The following PIK3C2G variants were observed in gnomAD, a reference collection of about 807,000 sequenced individuals.
PIK3C2G encodes the protein phosphatidylinositol-4-phosphate 3-kinase catalytic subunit type 2 gamma, also known as phosphatidylinositol 3-kinase C2 domain-containing subunit gamma.
In PIK3C2G, 168 loss-of-function variants were observed where a neutral mutation model predicts 181.1. The observed-to-expected ratio is 0.93, with a 90% CI of 0.82 to 1.05. The LOEUF is 1.05. Ranked by LOEUF, PIK3C2G falls within the 50% of genes least tolerant of loss-of-function variation. The probability of loss-of-function intolerance (pLI) is 0.00; values close to 1 mark genes in which losing one functional copy is unlikely to be tolerated. For missense variants in PIK3C2G, 1,869 were observed against 1,732.8 expected, an observed-to-expected ratio of 1.08 and a Z score of -1.40; for synonymous variants, 573 against 592.2, an observed-to-expected ratio of 0.97 and a Z score of 0.47.
chr12:18,618,905 T>A (rs1254866097), intron 31 of PIK3C2G, among the ~76,000 whole-genome samples: 5 of 151,784 alleles, frequency 3.3e-5, no homozygotes, highest in Non-Finnish European at 7.4e-5. Flanking sequence ...CTACAGAACG[T>A]AGAGGAAAAA....
At chr12:18,607,233 A>G (rs1328199989) in intron 30 of PIK3C2G, 2 of 505,382 alleles carry the variant, frequency 4.0e-6, no homozygotes, top group African/African-American at 1.9e-5. Context: ...ATTGAAAGGA[A>G]TAATATGAGA....
At chr12:18,529,459 G>C (rs1395578867) in intron 24 of PIK3C2G, among the ~76,000 whole-genome samples, 1 of 152,094 alleles carries the variant, frequency 6.6e-6, no homozygotes, top group Non-Finnish European at 1.5e-5. Context: ...ATTGAGATTA[G>C]TATGTCTGAA....
chr12:18,685,128 A>T, the PIK3C2G span, among the ~76,000 whole-genome samples: 1 of 152,054 alleles, frequency 6.6e-6, no homozygotes, highest in South Asian at 2.1e-4. Flanking sequence ...TTATGGGAAG[A>T]GTTCCATACT....
chr12:18,591,368 A>C (rs576097668), intron 29 of PIK3C2G, among the ~76,000 whole-genome samples: 4 of 151,942 alleles, frequency 2.6e-5, no homozygotes, highest in Non-Finnish European at 5.9e-5. Flanking sequence ...ACTAGTATTT[A>C]TTGAAAGAAA....
chr12:18,701,520 A>T, the PIK3C2G span: 1 of 1,613,928 alleles, frequency 6.2e-7, no homozygotes, highest in Admixed American at 1.7e-5. Flanking sequence ...CTTGAAAAGC[A>T]TTACTCCAGG....
rs562275259 is a variant in PIK3C2G, at chr12:18,429,720, G to A, written c.2504+5681G>A. Among the ~76,000 whole-genome samples, 36 of 152,248 alleles carry A rather than the reference G, an allele frequency of 2.4e-4. No individual in the cohort carries two copies. The South Asian group carries it at 7.3e-3, about 31-fold the overall frequency. On this transcript the variant is annotated intron_variant, in intron 18 of 32. Coordinates refer to ENST00000538779, the MANE Select transcript of PIK3C2G (RefSeq NM_001288772.2). ...ATGTTTTAAAAATTATGAATCCACA[G>A]AAATGTCTGTAAGGCCATCAATATT...
the PIK3C2G span, among the ~76,000 whole-genome samples, chr12:18,677,818 A>C: frequency 6.6e-6 from 1 of 152,092 alleles, no homozygotes; most frequent in African/African-American, 2.4e-5. Context: ...AAATATAAGC[A>C]CAAATCTATC....
intron 24 of PIK3C2G, among the ~76,000 whole-genome samples, chr12:18,523,973 T>A (rs1041188183): frequency 6.6e-6 from 1 of 152,222 alleles, no homozygotes; most frequent in African/African-American, 2.4e-5. Flanking sequence ...TTCTCCATTA[T>A]AATGTTGTTG....
At chr12:18,654,286 C>T in the PIK3C2G span, among the ~76,000 whole-genome samples, 3 of 87,496 alleles carry the variant, frequency 3.4e-5, no homozygotes, top group East Asian at 1.1e-3. Flanking sequence ...AAAAGAAACA[C>T]TAGTACCTAA....
intron 30 of PIK3C2G, among the ~76,000 whole-genome samples, chr12:18,597,446 G>C (rs947255177): frequency 2.0e-5 from 3 of 151,906 alleles, no homozygotes; most frequent in Admixed American, 1.3e-4. Context: ...ATAATATAAA[G>C]CATTAAAATA....
intron 31 of PIK3C2G, among the ~76,000 whole-genome samples, chr12:18,624,366 T>G (rs1948998164): frequency 6.6e-6 from 1 of 151,856 alleles, no homozygotes; most frequent in Non-Finnish European, 1.5e-5. Context: ...CATCCTTGCA[T>G]CTCAGGGATA....
chr12:18,635,381 G>A (rs893030304), intron 31 of PIK3C2G, among the ~76,000 whole-genome samples: 4 of 152,132 alleles, frequency 2.6e-5, no homozygotes, highest in Admixed American at 6.5e-5. Context: ...TGCGTATACC[G>A]ATTTCATTTG....
At chr12:18,445,392 C>T (rs915007629) in intron 18 of PIK3C2G, among the ~76,000 whole-genome samples, 2 of 150,488 alleles carry the variant, frequency 1.3e-5, no homozygotes, top group African/African-American at 4.9e-5. Flanking sequence ...TAATCATATA[C>T]TGCTTTCACC....
At chr12:18,526,613 T>C (rs1017396791) in intron 24 of PIK3C2G, among the ~76,000 whole-genome samples, 1 of 152,196 alleles carries the variant, frequency 6.6e-6, no homozygotes, top group Non-Finnish European at 1.5e-5. Context: ...GCTGGAAATT[T>C]ACCAAGGGTT....
chr12:18,684,282 G>C, the PIK3C2G span: 1 of 1,597,802 alleles, frequency 6.3e-7, no homozygotes, highest in Non-Finnish European at 8.6e-7. Flanking sequence ...ACTAAAAGCT[G>C]AAATATAAAA....
chr12:18,338,221 G>T (rs1233062283), intron 8 of PIK3C2G, among the ~76,000 whole-genome samples: 1 of 152,036 alleles, frequency 6.6e-6, no homozygotes, highest in Non-Finnish European at 1.5e-5. Context: ...TGTTAAGTCA[G>T]TTCTAATTTT....
chr12:18,360,086 G>C (rs1449234558), intron 11 of PIK3C2G, among the ~76,000 whole-genome samples: 1 of 151,680 alleles, frequency 6.6e-6, no homozygotes, highest in Admixed American at 6.6e-5. Context: ...ATTTTTGTGG[G>C]GGAGGTAGTG....
intron 32 of PIK3C2G, among the ~76,000 whole-genome samples, chr12:18,646,250 TA>T (rs1178928975): frequency 6.6e-6 from 1 of 152,106 alleles, no homozygotes; most frequent in Admixed American, 6.6e-5. Context: ...TTTGAATAAA[TA>T]AAAGTAACCA....
At chr12:18,382,677 G>T (rs764922138) in intron 14 of PIK3C2G, among the ~76,000 whole-genome samples, 1 of 152,042 alleles carries the variant, frequency 6.6e-6, no homozygotes, top group African/African-American at 2.4e-5. Context: ...CAACATCCCC[G>T]GCTTCTTTCC....
Sources: allele counts gnomAD v4.1 joint callset (sites outside exome capture counted in the v4.1 genomes callset), GRCh38; gene constraint gnomAD v4.1.1; transcripts MANE v1.5; gene names NCBI Gene and HGNC (gene_info 2026-07-23, HGNC 2026-07-21).